Variants in PLXDC2 observed in about 807,000 individuals in gnomAD.
PLXDC2 encodes the protein plexin domain-containing protein 2.
Under a neutral mutation model 68.9 loss-of-function variants are expected in PLXDC2, and 40 were observed. The ratio of observed to expected loss-of-function variants is 0.58; its 90% CI spans 0.45 to 0.76. The LOEUF (loss-of-function observed/expected upper bound fraction) is 0.76, where lower values mean the gene tolerates loss of function less well. Among genes scored for constraint, PLXDC2 ranks in the 30% least tolerant of loss-of-function variants. The probability of loss-of-function intolerance (pLI) is 0.00; values close to 1 mark genes in which losing one functional copy is unlikely to be tolerated. For synonymous variants in PLXDC2, 243 were observed against 234.2 expected, an observed-to-expected ratio of 1.04 and a Z score of -0.34; for missense variants, 644 against 661.9, an observed-to-expected ratio of 0.97 and a Z score of 0.30.
chr10:20,057,526 T>C (rs969579753), intron 3 of PLXDC2, among the ~76,000 whole-genome samples: 13 of 152,184 alleles, frequency 8.5e-5, no homozygotes, highest in Non-Finnish European at 1.8e-4. Context: ...CCCATCAGAA[T>C]GTCTAGTGTT....
chr10:20,229,148 T>C (rs1835326559), intron 12 of PLXDC2, among the ~76,000 whole-genome samples: 1 of 151,970 alleles, frequency 6.6e-6, no homozygotes, highest in Admixed American at 6.6e-5. Flanking sequence ...GGGAGTGAAG[T>C]GATATATCCA....
chr10:20,238,782 G>A (rs1364147509), intron 12 of PLXDC2, among the ~76,000 whole-genome samples: 1 of 146,788 alleles, frequency 6.8e-6, no homozygotes. Flanking sequence ...TCTTATGGTA[G>A]CTAAAACTTT....
chr10:20,172,936 G>T (rs930750005), intron 7 of PLXDC2, among the ~76,000 whole-genome samples: 3 of 152,182 alleles, frequency 2.0e-5, no homozygotes, highest in Non-Finnish European at 4.4e-5. Context: ...CAGAGAATTA[G>T]AACTACAGAG....
intron 1 of PLXDC2, among the ~76,000 whole-genome samples, chr10:19,898,306 A>C (rs1411355979): frequency 1.3e-5 from 2 of 152,210 alleles, no homozygotes; most frequent in African/African-American, 4.8e-5. Flanking sequence ...AAGACAGTTT[A>C]AACTTGACAT....
chr10:19,892,633 A>C (rs1341893628), intron 1 of PLXDC2, among the ~76,000 whole-genome samples: 2 of 152,216 alleles, frequency 1.3e-5, no homozygotes, highest in East Asian at 3.8e-4. Flanking sequence ...ATAAAAGCCC[A>C]ATCCTATAGT....
chr10:20,218,551 AT>A (rs1027394814), intron 11 of PLXDC2, among the ~76,000 whole-genome samples: 13 of 152,238 alleles, frequency 8.5e-5, no homozygotes, highest in South Asian at 8.3e-4. Flanking sequence ...AAAAAAGCAT[AT>A]CCTACATTTT....
intron 2 of PLXDC2, among the ~76,000 whole-genome samples, chr10:20,019,507 A>T (rs1245055933): frequency 1.3e-5 from 2 of 152,216 alleles, no homozygotes; most frequent in East Asian, 3.9e-4. Flanking sequence ...CCTAGCCCCC[A>T]GTGTGACTGT....
chr10:19,950,794 A>T (rs1187502769), intron 1 of PLXDC2, among the ~76,000 whole-genome samples: 1 of 152,214 alleles, frequency 6.6e-6, no homozygotes, highest in Non-Finnish European at 1.5e-5. Flanking sequence ...TACTGGTACA[A>T]GAACAGACAC....
At chr10:19,878,176 A>C (rs10827893) in intron 1 of PLXDC2, among the ~76,000 whole-genome samples, 50,728 of 103,438 alleles carry the variant, frequency 0.49, 8,524 homozygotes, top group African/African-American at 0.52. Flanking sequence ...TCATATGGGC[A>C]TCACATATTT....
At chr10:19,899,310 G>C (rs777269147) in intron 1 of PLXDC2, among the ~76,000 whole-genome samples, 23 of 152,152 alleles carry the variant, frequency 1.5e-4, no homozygotes, top group Non-Finnish European at 2.5e-4. Flanking sequence ...TAAGGAATAA[G>C]AATAAGTTAT....
At chr10:19,971,392 G>A (rs187308126) in intron 1 of PLXDC2, among the ~76,000 whole-genome samples, 48 of 152,216 alleles carry the variant, frequency 3.2e-4, no homozygotes, top group Middle Eastern at 3.4e-3. Context: ...ATGAACATGG[G>A]TAAGCAAAAA....
At chr10:20,020,086 A>T (rs181185305) in intron 2 of PLXDC2, among the ~76,000 whole-genome samples, 50 of 149,956 alleles carry the variant, frequency 3.3e-4, no homozygotes, top group African/African-American at 1.2e-3. Context: ...GTCAGAGCTC[A>T]CTAGAGCCTT....
chr10:20,146,114 G>T (rs969612952), intron 5 of PLXDC2, among the ~76,000 whole-genome samples: 45 of 152,144 alleles, frequency 3.0e-4, no homozygotes, highest in African/African-American at 1.0e-3. Context: ...GCAAGTCTAA[G>T]TCTTCTGCCC....
chr10:19,872,211 C>G (rs73601623), intron 1 of PLXDC2, among the ~76,000 whole-genome samples: 1 of 152,192 alleles, frequency 6.6e-6, no homozygotes, highest in South Asian at 2.1e-4. Context: ...GCAAAGGCAA[C>G]GCAGGTCAAG....
rs60357358 is a variant in PLXDC2, at chr10:19,989,751, A to AT, written c.113-12008dup. The stretch of plus-strand genomic sequence containing the variant: ...TCCTTCAATTTTTTTACTTATGTGA[A>AT]TTTTTTTTTTTTTTTTGAGATGGAG... On this transcript the variant is annotated intron_variant, in intron 1 of 13. Coordinates refer to ENST00000377252, the MANE Select transcript of PLXDC2 (RefSeq NM_032812.9). 1.1e-3 allele frequency among the ~76,000 whole-genome samples: 146 copies of AT among 127,764 alleles called. 1 individual carries two copies. Among genetic ancestry groups the AT allele is most frequent in the Admixed American group, 5.7e-3 (76 of 13,240 alleles). The allele number at this position is 127,764 out of a possible 152,430, so 83.8% of individuals were successfully genotyped here.
chr10:19,958,815 TTTTTGTTTTG>T (rs149765264), intron 1 of PLXDC2, among the ~76,000 whole-genome samples: 10 of 151,672 alleles, frequency 6.6e-5, no homozygotes, highest in Admixed American at 4.6e-4. Flanking sequence ...TGTATGTAAG[TTTTTGTTTTG>T]TTTTGTTTTG....
At chr10:20,113,808 G>A (rs1833588122) in intron 4 of PLXDC2, among the ~76,000 whole-genome samples, 1 of 151,806 alleles carries the variant, frequency 6.6e-6, no homozygotes, top group Admixed American at 6.6e-5. Flanking sequence ...CCTTAATGTG[G>A]TGCTTATCAG....
chr10:20,058,759 C>T (rs1836047460), intron 3 of PLXDC2, among the ~76,000 whole-genome samples: 1 of 152,160 alleles, frequency 6.6e-6, no homozygotes, highest in Non-Finnish European at 1.5e-5. Flanking sequence ...ACAAAAACAT[C>T]ACAACCTTCA....
chr10:20,271,372 A>G (rs529351296), intron 13 of PLXDC2, among the ~76,000 whole-genome samples: 51 of 152,274 alleles, frequency 3.3e-4, no homozygotes, highest in African/African-American at 1.1e-3. Flanking sequence ...CATGAAGGCA[A>G]TTGATGGGGC....
Sources: gnomAD v4.1 joint callset for allele counts (sites outside exome capture counted in the v4.1 genomes callset) on GRCh38, gnomAD v4.1.1 for gene constraint, MANE v1.5 for transcripts, NCBI Gene and HGNC (gene_info 2026-07-23, HGNC 2026-07-21) for gene names.